The following RRP15 variants were observed in gnomAD, a reference collection of about 807,000 sequenced individuals.
RRP15 encodes RRP15-like protein.
RRP15 carries 18 observed loss-of-function variants against 27.1 expected under a neutral mutation model. That is an observed-to-expected ratio of 0.66 (90% CI 0.46 to 0.98). The LOEUF (loss-of-function observed/expected upper bound fraction) is 0.98. Among genes scored for constraint, RRP15 ranks in the 50% least tolerant of loss-of-function variants. The pLI, the probability that RRP15 is intolerant of heterozygous loss-of-function variation, is 0.00. For missense variants in RRP15, 359 were observed against 337.8 expected, an observed-to-expected ratio of 1.06 and a Z score of -0.49; for synonymous variants, 107 against 109.4, an observed-to-expected ratio of 0.98 and a Z score of 0.14.
chr1:218,318,014 C>T (rs868751105), intron 4 of RRP15, among the ~76,000 whole-genome samples: 2 of 151,820 alleles, frequency 1.3e-5, no homozygotes, highest in African/African-American at 4.8e-5. Flanking sequence ...GGATTACAGG[C>T]GTGAACTCCC....
chr1:218,319,430 CATT>C (rs754487970), intron 4 of RRP15, among the ~76,000 whole-genome samples: 32 of 152,064 alleles, frequency 2.1e-4, no homozygotes, highest in Non-Finnish European at 4.4e-4. Context: ...CAATGAGTGT[CATT>C]ATACTTTTTG....
intron 1 of RRP15, among the ~76,000 whole-genome samples, chr1:218,287,690 C>T (rs557035932): frequency 4.7e-5 from 7 of 149,994 alleles, no homozygotes; most frequent in African/African-American, 1.5e-4. Flanking sequence ...CCAGCCTAGG[C>T]GTTGCTTACT....
intron 4 of RRP15, among the ~76,000 whole-genome samples, chr1:218,324,549 T>C (rs1656241508): frequency 6.6e-6 from 1 of 152,240 alleles, no homozygotes; most frequent in Non-Finnish European, 1.5e-5. Context: ...ACTGGTGTGA[T>C]GGCAGCAGCC....
Position 218,331,538 on chromosome 1 carries a change from T to C in RRP15, c.*447T>C, listed in dbSNP as rs1422792705. 1 of 151,990 alleles carries C rather than the reference T, an allele frequency of 6.6e-6. No homozygotes were observed. The highest frequency in any genetic ancestry group is 2.4e-5 in the African/African-American group (1 of 41,386). The allele number at this position is 151,990 out of a possible 1,614,324, so 9.4% of individuals were successfully genotyped here. ...GTGTTTTTTGCTTTGTGTTGGGAAG[T>C]TATTGAGAAAACCTATATAATAAAA... is the stretch of plus-strand genomic sequence containing the variant. On this transcript the variant is annotated 3_prime_UTR_variant, in exon 5 of 5. Transcript: ENST00000366932.
At chr1:218,292,116 A>G (rs1441470545) in intron 1 of RRP15, among the ~76,000 whole-genome samples, 6 of 152,266 alleles carry the variant, frequency 3.9e-5, no homozygotes, top group Non-Finnish European at 5.9e-5. Context: ...GATTACAGGC[A>G]TGAGCCACTG....
chr1:218,310,631 A>ACC (rs200091560), intron 4 of RRP15, among the ~76,000 whole-genome samples: 7 of 106,156 alleles, frequency 6.6e-5, no homozygotes, highest in African/African-American at 3.0e-4. Flanking sequence ...ATTTTAAAGA[A>ACC]CTTTTTTAAA....
chr1:218,310,333 A>G (rs976862954), intron 4 of RRP15, among the ~76,000 whole-genome samples: 2 of 151,456 alleles, frequency 1.3e-5, no homozygotes, highest in Admixed American at 6.6e-5. Flanking sequence ...GGCCACCCAC[A>G]TATAAACTAG....
rs58534239 is a variant in RRP15 at position 218,307,490 on chromosome 1, T to C, written c.563T>C (p.Val188Ala). The stretch of plus-strand genomic sequence containing the variant: ...CATCAAAAGAATGTTGATGAAAAGG[T>C]TAAGGAAGCTGGAAGTTCTATGAGA... ...QKHQKNVDEK[V>A]KEAGSSMRKR... Residue 188 changes from valine (V) to alanine (A), a missense_variant, in exon 4 of 5, where the codon GTT (valine) becomes GCT (alanine). Coordinates refer to ENST00000366932, the MANE Select transcript of RRP15 (RefSeq NM_016052.4). 6.0e-4 allele frequency: 964 copies of C among 1,613,940 alleles called. 5 individuals carry two copies. The African/African-American group carries it at 0.011, about 18-fold the overall frequency.
rs1437197083 is a variant in RRP15 at position 218,336,961 on chromosome 1, A to G, written c.*5870A>G. ...TTAAGAAATACCAGTGTTCGTTGTT[A>G]GATGAGAGACAGCATAATTTTGGAA... On this transcript the variant is annotated 3_prime_UTR_variant, in exon 5 of 5. Coordinates refer to ENST00000366932, the MANE Select transcript of RRP15 (RefSeq NM_016052.4). 1 of 152,212 alleles carries G rather than the reference A, an allele frequency of 6.6e-6. No homozygotes were observed. Among genetic ancestry groups the G allele is most frequent in the Non-Finnish European group, 1.5e-5 (1 of 68,040 alleles). 9.4% of individuals were successfully genotyped at this position (152,212 alleles called of 1,614,324 possible).
At chr1:218,310,320 G>A (rs1044591867) in intron 4 of RRP15, among the ~76,000 whole-genome samples, 1 of 151,708 alleles carries the variant, frequency 6.6e-6, no homozygotes. Context: ...CTCTAAAATT[G>A]GAGGCCACCC....
Position 218,329,264 on chromosome 1 carries a change from A to G in RRP15, c.706-1684A>G, listed in dbSNP as rs78170779. Among the ~76,000 whole-genome samples, 3 of 148,530 alleles carry G rather than the reference A, an allele frequency of 2.0e-5. No individual in the cohort carries two copies. In the East Asian group the frequency reaches 5.9e-4, roughly 29 times the overall value. ...AAAAAAAAAAAAAAAAAAAAAAAAA[A>G]AAAAAATTAGCCAGGCATGATGGTG... is the stretch of plus-strand genomic sequence containing the variant. On this transcript the variant is annotated intron_variant, in intron 4 of 4. Coordinates refer to ENST00000366932, the MANE Select transcript of RRP15 (RefSeq NM_016052.4).
At chr1:218,307,765 C>G (rs1018913221) in intron 4 of RRP15, 133 bp downstream of exon 4, 1 of 657,586 alleles carries the variant, frequency 1.5e-6, no homozygotes, top group Admixed American at 2.9e-5. Context: ...CCTCCATGCC[C>G]GCAACCTTTA....
chr1:218,312,913 G>A (rs991255404), intron 4 of RRP15, among the ~76,000 whole-genome samples: 1 of 152,104 alleles, frequency 6.6e-6, no homozygotes, highest in African/African-American at 2.4e-5. Context: ...CTAATGAGTG[G>A]GGAGTTAGAA....
chr1:218,322,163 A>G (rs1411643906), intron 4 of RRP15, among the ~76,000 whole-genome samples: 2 of 152,170 alleles, frequency 1.3e-5, no homozygotes, highest in Non-Finnish European at 2.9e-5. Flanking sequence ...GGGCTTTGGA[A>G]TCAAATGGAT....
intron 1 of RRP15, 89 bp downstream of exon 1, chr1:218,285,544 A>G (rs1463086681): frequency 6.4e-7 from 1 of 1,561,656 alleles, no homozygotes; most frequent in African/African-American, 1.4e-5. Flanking sequence ...ATTTGCTGCT[A>G]GCCACCTGGG....
In RRP15 at chr1:218,337,426, T is replaced by G. The variant is rs1656466053; in HGVS notation, c.*6335T>G. ...AGAATTGTTTTTAATAGCAAGAAATTTTTTAAAACTTACAAGTTCAGTGAT... is the reference window on the plus strand; with the variant it reads ...AGAATTGTTTTTAATAGCAAGAAATGTTTTAAAACTTACAAGTTCAGTGAT... On this transcript the variant is annotated 3_prime_UTR_variant, in exon 5 of 5. Coordinates refer to ENST00000366932, the MANE Select transcript of RRP15 (RefSeq NM_016052.4). The G allele has an allele frequency of 1.3e-5, 2 of 152,168 alleles. No individual in the cohort carries two copies. The highest frequency in any genetic ancestry group is 4.1e-4 in the South Asian group (2 of 4,826). The allele number at this position is 152,168 out of a possible 1,614,324, so 9.4% of individuals were successfully genotyped here. A position where few individuals can be genotyped will look rare whatever the true frequency, so the allele number is the denominator to read the frequency against.
chr1:218,318,755 T>TATTAAAGG (rs1427384865), intron 4 of RRP15, among the ~76,000 whole-genome samples: 1 of 151,860 alleles, frequency 6.6e-6, no homozygotes, highest in Non-Finnish European at 1.5e-5. Context: ...TTTTTTTTTT[T>TATTAAAGG]ATTAAAGGTG....
intron 4 of RRP15, among the ~76,000 whole-genome samples, chr1:218,309,176 A>G (rs528220137): frequency 2.6e-5 from 4 of 152,190 alleles, no homozygotes; most frequent in Non-Finnish European, 4.4e-5. Context: ...GACTTAAGCC[A>G]AAGTGATTTT....
intron 1 of RRP15, among the ~76,000 whole-genome samples, chr1:218,294,697 A>G (rs1158998947): frequency 6.6e-6 from 1 of 151,918 alleles, no homozygotes; most frequent in Admixed American, 6.6e-5. Context: ...AGCATGGTTG[A>G]TTAAATCATC....
Sources: allele counts gnomAD v4.1 joint callset (sites outside exome capture counted in the v4.1 genomes callset), GRCh38; gene constraint gnomAD v4.1.1; transcripts MANE v1.5; gene names NCBI Gene and HGNC (gene_info 2026-07-23, HGNC 2026-07-21).